Variants in SMG6 observed in about 807,000 individuals in gnomAD.
The protein encoded by SMG6 is SMG6 nonsense mediated mRNA decay factor, also known as telomerase-binding protein EST1A.
In SMG6, 66 loss-of-function variants were observed where a neutral mutation model predicts 142.2. The observed-to-expected ratio is 0.46, with a 90% CI of 0.38 to 0.57. The LOEUF (loss-of-function observed/expected upper bound fraction) is 0.57. Among genes scored for constraint, SMG6 ranks in the 20% least tolerant of loss-of-function variants. SMG6 has a pLI of 0.00. For missense variants in SMG6, 1,793 were observed against 1,832.0 expected (o/e 0.98, Z 0.39); for synonymous variants, 779 against 702.4 (o/e 1.11, Z -1.72).
chr17:2,268,292 ATTC>A (rs1361019857), intron 8 of SMG6, among the ~76,000 whole-genome samples: 3 of 152,192 alleles, frequency 2.0e-5, no homozygotes, highest in African/African-American at 7.2e-5. Context: ...ATTAGAACTC[ATTC>A]CAACAGAAAG....
intron 13 of SMG6, among the ~76,000 whole-genome samples, chr17:2,164,795 GGCGTGGTGACGCGT>G (rs1178999518): frequency 6.6e-6 from 1 of 152,098 alleles, no homozygotes; most frequent in African/African-American, 2.4e-5. Context: ...AAATTAGCCA[GGCGTGGTGACGCGT>G]GCCTGTAGTC....
At chr17:2,135,613 G>A (rs966940018) in intron 13 of SMG6, among the ~76,000 whole-genome samples, 2 of 152,168 alleles carry the variant, frequency 1.3e-5, no homozygotes, top group African/African-American at 4.8e-5. Context: ...AGTCTCATGT[G>A]GTTACTGACC....
intron 13 of SMG6, among the ~76,000 whole-genome samples, chr17:2,140,255 G>A (rs1397319127): frequency 6.6e-6 from 1 of 151,334 alleles, no homozygotes; most frequent in Non-Finnish European, 1.5e-5. Context: ...TAGAGATGGG[G>A]TTTTGCCATG....
intron 13 of SMG6, among the ~76,000 whole-genome samples, chr17:2,107,508 C>T (rs542204432): frequency 1.3e-5 from 2 of 152,326 alleles, no homozygotes; most frequent in African/African-American, 2.4e-5. Flanking sequence ...AGACATTCTA[C>T]CACCCAACCT....
chr17:2,268,756 A>G (rs560182816), intron 8 of SMG6, among the ~76,000 whole-genome samples: 1 of 147,890 alleles, frequency 6.8e-6, no homozygotes, highest in East Asian at 2.0e-4. Flanking sequence ...CTAAAAATAC[A>G]AAAAAATTAG....
At chr17:2,115,317 C>T (rs761834283) in intron 13 of SMG6, among the ~76,000 whole-genome samples, 7 of 151,858 alleles carry the variant, frequency 4.6e-5, no homozygotes, top group Non-Finnish European at 1.0e-4. Context: ...ATAGACTGGC[C>T]CTAGTAAGGA....
At chr17:2,277,280 C>T (rs964281318) in intron 8 of SMG6, among the ~76,000 whole-genome samples, 21 of 151,562 alleles carry the variant, frequency 1.4e-4, no homozygotes, top group African/African-American at 5.1e-4. Context: ...CATTCTCCTG[C>T]CTCAGCCTCC....
chr17:2,165,112 G>A (rs541562872), intron 13 of SMG6, among the ~76,000 whole-genome samples: 28 of 152,192 alleles, frequency 1.8e-4, no homozygotes, highest in Non-Finnish European at 3.2e-4. Context: ...CCACTTGGAA[G>A]CTTTCTCACT....
chr17:2,103,745 G>T (rs1211349163), intron 13 of SMG6, among the ~76,000 whole-genome samples: 1 of 152,010 alleles, frequency 6.6e-6, no homozygotes, highest in East Asian at 1.9e-4. Flanking sequence ...CACTTGGAGG[G>T]TATAAGCCAA....
chr17:2,129,367 G>T, intron 13 of SMG6, among the ~76,000 whole-genome samples: 1 of 151,848 alleles, frequency 6.6e-6, no homozygotes. Flanking sequence ...AGGTTAAAAA[G>T]AAAAACTACA....
Position 2,085,789 on chromosome 17 carries a change from G to T in SMG6, c.3470C>A (p.Ala1157Glu). The T allele has an allele frequency of 1.2e-6, 2 of 1,614,130 alleles. No individual in the cohort carries two copies. The highest frequency in any genetic ancestry group is 1.1e-5 in the South Asian group (1 of 91,070). ...AFKGGKYVSV[A>E]PVPDTMGKEM... is the part of the protein sequence containing the mutation. ...CTTTCCCATGGTGTCTGGGACGGGT[G>T]CCACTGACACATACTTTCCACCCTT... The change falls in exon 14 of 19, where the codon GCA becomes GAA. Residue 1157 changes from alanine to glutamate, a missense_variant. Coordinates refer to ENST00000263073, the MANE Select transcript of SMG6 (RefSeq NM_017575.5). The surrounding 1 kb of genome is among the most constrained non-coding windows in gnomAD (Gnocchi z 4.1).
At chr17:2,151,645 G>C (rs2070828820) in intron 13 of SMG6, among the ~76,000 whole-genome samples, 1 of 152,216 alleles carries the variant, frequency 6.6e-6, no homozygotes, top group Admixed American at 6.5e-5. Context: ...GGCAAATGCT[G>C]CTTAAGAAAA....
At chr17:2,110,350 G>A (rs542675460) in intron 13 of SMG6, among the ~76,000 whole-genome samples, 2 of 152,216 alleles carry the variant, frequency 1.3e-5, no homozygotes, top group East Asian at 3.9e-4. Flanking sequence ...TTTAGGCCCT[G>A]TTGCGAGTTT....
At chr17:2,175,362 C>T (rs956564672) in intron 12 of SMG6, among the ~76,000 whole-genome samples, 1 of 152,050 alleles carries the variant, frequency 6.6e-6, no homozygotes, top group Non-Finnish European at 1.5e-5. Flanking sequence ...CAGCAGCATC[C>T]CCAGCCAGAG....
At chr17:2,135,308 CTTAT>C (rs994773652) in intron 13 of SMG6, among the ~76,000 whole-genome samples, 2 of 152,184 alleles carry the variant, frequency 1.3e-5, no homozygotes, top group Non-Finnish European at 2.9e-5. Flanking sequence ...ATCTCATATA[CTTAT>C]TTATTTGTGG....
intron 13 of SMG6, among the ~76,000 whole-genome samples, chr17:2,116,032 GCACT>G (rs985636251): frequency 2.0e-5 from 3 of 151,862 alleles, no homozygotes; most frequent in East Asian, 1.9e-4. Context: ...GACACAAAAA[GCACT>G]CACTAACTTT....
intron 8 of SMG6, among the ~76,000 whole-genome samples, chr17:2,255,143 A>G (rs964854613): frequency 1.3e-5 from 2 of 151,872 alleles, no homozygotes; most frequent in Admixed American, 6.6e-5. Flanking sequence ...GGTGGCTCAC[A>G]CCTGTAATCC....
chr17:2,076,497 C>T (rs551915026), intron 15 of SMG6, among the ~76,000 whole-genome samples: 18 of 152,144 alleles, frequency 1.2e-4, no homozygotes, highest in Middle Eastern at 3.2e-3. Context: ...CTGAAGCCCC[C>T]GTGGTTCTGG....
chr17:2,241,649 T>C (rs1195723644), intron 9 of SMG6, among the ~76,000 whole-genome samples: 1 of 152,166 alleles, frequency 6.6e-6, no homozygotes, highest in African/African-American at 2.4e-5. Context: ...CCTTGGCCTC[T>C]CAAAATGCTA....
Sources: allele counts gnomAD v4.1 joint callset (sites outside exome capture counted in the v4.1 genomes callset), GRCh38; gene constraint gnomAD v4.1.1; non-coding constraint Gnocchi (gnomAD v3.1); transcripts MANE v1.5; gene names NCBI Gene and HGNC (gene_info 2026-07-23, HGNC 2026-07-21).